Variants in CDK14 observed in about 807,000 individuals in gnomAD.
The protein encoded by CDK14 is cyclin dependent kinase 14, also known as cyclin-dependent kinase 14.
A neutral mutation model predicts 60.7 loss-of-function variants in CDK14; 34 were observed. The observed-to-expected ratio is 0.56, with a 90% CI of 0.43 to 0.75. The LOEUF is 0.75. CDK14 is among the 30% of genes least tolerant of loss of function. The pLI is 0.00. For synonymous variants in CDK14, 197 were observed against 203.7 expected, an observed-to-expected ratio of 0.97 and a Z score of 0.28; for missense variants, 482 against 564.1, an observed-to-expected ratio of 0.85 and a Z score of 1.47.
intron 10 of CDK14, among the ~76,000 whole-genome samples, chr7:91,030,961 A>C (rs983137470): frequency 6.6e-6 from 1 of 152,202 alleles, no homozygotes; most frequent in African/African-American, 2.4e-5. Flanking sequence ...GTCTGCTTCT[A>C]TAGGAGTGCT....
At chr7:90,934,323 A>G (rs1793688101) in intron 8 of CDK14, among the ~76,000 whole-genome samples, 2 of 152,386 alleles carry the variant, frequency 1.3e-5, no homozygotes, top group South Asian at 4.1e-4. Context: ...TGCCATGTAC[A>G]GGGCCAGTTG....
At chr7:91,091,948 A>G (rs1167452117) in intron 12 of CDK14, among the ~76,000 whole-genome samples, 2 of 152,018 alleles carry the variant, frequency 1.3e-5, no homozygotes, top group East Asian at 1.9e-4. Flanking sequence ...CTTCTGATTC[A>G]TGTTAGAGAT....
intron 3 of CDK14, among the ~76,000 whole-genome samples, chr7:90,737,173 G>C (rs932628862): frequency 2.6e-5 from 4 of 152,172 alleles, no homozygotes; most frequent in African/African-American, 9.7e-5. Flanking sequence ...GTGCTCCTCA[G>C]TAGCTGCAGT....
intron 14 of CDK14, among the ~76,000 whole-genome samples, chr7:91,149,054 C>T (rs1800745473): frequency 6.6e-6 from 1 of 152,030 alleles, no homozygotes; most frequent in Non-Finnish European, 1.5e-5. Flanking sequence ...TTGACTTTTG[C>T]TATAAAACAA....
chr7:91,067,279 T>G (rs911804033), intron 11 of CDK14, among the ~76,000 whole-genome samples: 2 of 152,248 alleles, frequency 1.3e-5, no homozygotes, highest in Non-Finnish European at 2.9e-5. Context: ...ATAAAAATTT[T>G]ATTCTAATTA....
chr7:91,039,964 G>A (rs1212332252), intron 10 of CDK14, among the ~76,000 whole-genome samples: 1 of 152,048 alleles, frequency 6.6e-6, no homozygotes, highest in African/African-American at 2.4e-5. Flanking sequence ...GAGTGTGCCT[G>A]TCATCCCAGC....
intron 14 of CDK14, among the ~76,000 whole-genome samples, chr7:91,165,370 A>C (rs1020598256): frequency 6.6e-5 from 10 of 152,168 alleles, no homozygotes; most frequent in African/African-American, 2.2e-4. Context: ...GCAAATGAGC[A>C]CCGTGTTAGG....
chr7:91,157,677 C>A (rs1801023510), intron 14 of CDK14, among the ~76,000 whole-genome samples: 1 of 152,262 alleles, frequency 6.6e-6, no homozygotes, highest in South Asian at 2.1e-4. Context: ...ATACTCATAT[C>A]CCACAGATGT....
Position 91,209,231 on chromosome 7 carries a change from G to C in CDK14, c.*2095G>C, listed in dbSNP as rs184302851. ...TGAAAGACTTCAATTAGGGCTATTAGAGTTATATCTCCCTGTCGTAGGCAG... is the reference window on the plus strand; with the variant it reads ...TGAAAGACTTCAATTAGGGCTATTACAGTTATATCTCCCTGTCGTAGGCAG... On this transcript the variant is annotated 3_prime_UTR_variant, in exon 15 of 15. Coordinates refer to ENST00000380050, the MANE Select transcript of CDK14 (RefSeq NM_001287135.2). The C allele has an allele frequency of 1.6e-3, 251 of 152,274 alleles. 1 individual carries two copies. Among genetic ancestry groups the C allele is most frequent in the African/African-American group, 5.8e-3 (242 of 41,542 alleles). The allele number at this position is 152,274 out of a possible 1,614,324, so 9.4% of individuals were successfully genotyped here.
In CDK14 at chr7:90,847,823, CCT is replaced by C. The variant is rs546527276; in HGVS notation, c.545-15351_545-15350del. Among the ~76,000 whole-genome samples, 922 of 152,144 alleles carry C rather than the reference CCT, an allele frequency of 6.1e-3. 7 individuals carry two copies. Among genetic ancestry groups the C allele is most frequent in the African/African-American group, 0.02 (822 of 41,512 alleles). ...TAATGTGTCTTTGCTTATTTCTGCC[CCT>C]GTTTCTTAAAAGATAAATTCCCAGG... On this transcript the variant is annotated intron_variant, in intron 5 of 14. Coordinates refer to ENST00000380050, the MANE Select transcript of CDK14 (RefSeq NM_001287135.2).
intron 14 of CDK14, among the ~76,000 whole-genome samples, chr7:91,170,864 T>C (rs952669804): frequency 4.2e-4 from 64 of 151,390 alleles, no homozygotes; most frequent in African/African-American, 1.5e-3. Context: ...CCTCCCGGGT[T>C]CAAGTGATTC....
rs141803546 is a variant in CDK14 at position 90,700,308 on chromosome 7, G to C, written c.124-26259G>C. 7.2e-4 allele frequency among the ~76,000 whole-genome samples: 109 copies of C among 152,226 alleles called. 1 individual carries two copies. The East Asian group carries it at 0.015, about 21-fold the overall frequency. The stretch of plus-strand genomic sequence containing the variant: ...GGGGTTTCACCATGTTGGCCAGGAT[G>C]ATCTCAATCTCTTGACCTCGCAGTC... On this transcript the variant is annotated intron_variant, in intron 2 of 14. Coordinates refer to ENST00000380050, the MANE Select transcript of CDK14 (RefSeq NM_001287135.2).
intron 6 of CDK14, among the ~76,000 whole-genome samples, chr7:90,885,853 T>C (rs972192515): frequency 2.0e-5 from 3 of 151,598 alleles, no homozygotes; most frequent in African/African-American, 7.3e-5. Context: ...TAAGTGGGAG[T>C]TGAACATTGA....
chr7:90,977,742 C>G (rs1795120198), intron 9 of CDK14, among the ~76,000 whole-genome samples: 1 of 152,104 alleles, frequency 6.6e-6, no homozygotes. Flanking sequence ...AAACAAGTCA[C>G]TAAGCTGAGC....
rs534710994 is a variant in CDK14 at position 90,830,568 on chromosome 7, C to T, written c.545-32607C>T. 1.3e-3 allele frequency among the ~76,000 whole-genome samples: 193 copies of T among 152,312 alleles called. 1 individual carries two copies. The highest frequency in any genetic ancestry group is 4.4e-3 in the African/African-American group (182 of 41,574). Reference sequence around the variant, plus strand: ...TGTCGTGGCTATTACCATTCGGCTTCTTTTTTCTTATGCTAATCTCTGCAG... The same window carrying T: ...TGTCGTGGCTATTACCATTCGGCTTTTTTTTTCTTATGCTAATCTCTGCAG... On this transcript the variant is annotated intron_variant, in intron 5 of 14. Transcript: ENST00000380050.
intron 12 of CDK14, among the ~76,000 whole-genome samples, chr7:91,102,612 T>C (rs972137127): frequency 6.8e-6 from 1 of 147,850 alleles, no homozygotes; most frequent in Non-Finnish European, 1.5e-5. Context: ...TTTAGAACTA[T>C]AGTGTAAAAA....
chr7:91,117,870 G>A (rs548873766), intron 13 of CDK14, among the ~76,000 whole-genome samples, 195 bp from the exon 14 acceptor site: 12 of 152,158 alleles, frequency 7.9e-5, no homozygotes, highest in South Asian at 4.1e-4. Context: ...CTGAGGGAAA[G>A]ACAGACCATC....
At chr7:91,053,763 C>G (rs1797464429) in intron 11 of CDK14, among the ~76,000 whole-genome samples, 1 of 152,102 alleles carries the variant, frequency 6.6e-6, no homozygotes, top group Non-Finnish European at 1.5e-5. Context: ...GTGGATGCAG[C>G]AGAAATTGTT....
At chr7:91,075,838 A>C (rs560153932) in intron 11 of CDK14, among the ~76,000 whole-genome samples, 5 of 152,342 alleles carry the variant, frequency 3.3e-5, no homozygotes, top group African/African-American at 1.2e-4. Context: ...ACAAACAGAG[A>C]GACAAATGAT....
Sources: allele counts gnomAD v4.1 joint callset (sites outside exome capture counted in the v4.1 genomes callset), GRCh38; gene constraint gnomAD v4.1.1; transcripts MANE v1.5; gene names NCBI Gene and HGNC (gene_info 2026-07-23, HGNC 2026-07-21).